NPHP4: variants seen among roughly 807,000 people sequenced by gnomAD.
NPHP4 encodes nephrocystin-4.
NPHP4 carries 151 observed loss-of-function variants against 155.8 expected under a neutral mutation model. The observed-to-expected ratio is 0.97, with a 90% CI of 0.85 to 1.11. NPHP4 has a LOEUF of 1.11. Ranked by LOEUF, NPHP4 falls within the 50% of genes least tolerant of loss-of-function variation. The pLI, the probability that NPHP4 is intolerant of heterozygous loss-of-function variation, is 0.00. For synonymous variants in NPHP4, 845 were observed against 816.8 expected (o/e 1.03, Z -0.59); for missense variants, 1,956 against 1,925.7 (o/e 1.02, Z -0.29).
At chr1:5,968,940 T>A in intron 4 of NPHP4, 147 bp downstream of exon 4, 1 of 520,486 alleles carries the variant, frequency 1.9e-6, no homozygotes, top group South Asian at 3.1e-5. Context: ...GGCACGAGAA[T>A]CGCTCGAACC....
At chr1:5,920,120 T>C (rs548280945) in intron 11 of NPHP4, among the ~76,000 whole-genome samples, 27 of 152,224 alleles carry the variant, frequency 1.8e-4, no homozygotes, top group African/African-American at 5.3e-4. Context: ...TTAGTAGAGA[T>C]AGGGTTTCAC....
intron 11 of NPHP4, among the ~76,000 whole-genome samples, chr1:5,917,168 AG>A (rs1645517792): frequency 6.6e-6 from 1 of 151,822 alleles, no homozygotes; most frequent in Non-Finnish European, 1.5e-5. Context: ...CCATACAGTC[AG>A]GGGTGGCCCC....
chr1:5,963,559 T>C (rs7522246), intron 5 of NPHP4, among the ~76,000 whole-genome samples: 22,944 of 151,892 alleles, frequency 0.15, 1,884 homozygotes, highest in Non-Finnish European at 0.2. Context: ...ACAGGAGAAA[T>C]AGGAAAAGAC....
chr1:5,931,428 C>A (rs1053787845), intron 10 of NPHP4, among the ~76,000 whole-genome samples: 1 of 150,206 alleles, frequency 6.7e-6, no homozygotes. Context: ...AAGTACTGTA[C>A]CTACCTTAAT....
At chr1:5,945,233 C>T (rs1245673659) in intron 9 of NPHP4, among the ~76,000 whole-genome samples, 1 of 151,898 alleles carries the variant, frequency 6.6e-6, no homozygotes, top group Non-Finnish European at 1.5e-5. Flanking sequence ...CTGGGAACCA[C>T]ACATCAGCCA....
intron 16 of NPHP4, among the ~76,000 whole-genome samples, chr1:5,894,544 T>C (rs1236317299): frequency 6.6e-6 from 1 of 151,652 alleles, no homozygotes; most frequent in African/African-American, 2.4e-5. Flanking sequence ...TCAAAAAAGA[T>C]TTTCTGGAAA....
intron 3 of NPHP4, among the ~76,000 whole-genome samples, chr1:5,971,377 G>T (rs1051260452): frequency 6.6e-6 from 1 of 152,210 alleles, no homozygotes; most frequent in Non-Finnish European, 1.5e-5. Flanking sequence ...TGTTTGAAAA[G>T]TTCAGATGGT....
chr1:5,879,063 T>C (rs1374567100), intron 19 of NPHP4, among the ~76,000 whole-genome samples: 1 of 152,220 alleles, frequency 6.6e-6, no homozygotes, highest in Admixed American at 6.5e-5. Context: ...GAGCCCCTCA[T>C]GTCTGCTCCC....
rs566668792 is a variant in NPHP4, at chr1:5,895,687, A to G, written c.2144-4659T>C. On this transcript the variant is annotated intron_variant, in intron 16 of 29. Transcript: ENST00000378156. ...AGAGGGTGTGGGGCAGTGTCTGTCA[A>G]CACCACTGAAGCCTGTGATTCCATT... Among the ~76,000 whole-genome samples the G allele has an allele frequency of 5.9e-5, 9 of 152,338 alleles. No homozygotes were observed. In the East Asian group the frequency reaches 1.5e-3, roughly 26 times the overall value.
rs1247288672 is a variant in NPHP4 at position 5,889,410 on chromosome 1, G to A, written c.2304+1458C>T. Among the ~76,000 whole-genome samples, 1 of 152,224 alleles carries A rather than the reference G, an allele frequency of 6.6e-6. No individual in the cohort carries two copies. The highest frequency in any genetic ancestry group is 1.5e-5 in the Non-Finnish European group (1 of 68,046). ...CAAGATTTTATTTTAGAAAAGTGAA[G>A]CTTTAAATTTAATTTATTCAAGTCT... On this transcript the variant is annotated intron_variant, in intron 17 of 29. Coordinates refer to ENST00000378156, the MANE Select transcript of NPHP4 (RefSeq NM_015102.5). This position sits in a 1 kb window ranked among gnomAD's most constrained non-coding sequence, Gnocchi z 4.2.
chr1:5,874,387 G>C (rs1642330644), intron 22 of NPHP4, 84 bp downstream of exon 22: 6 of 1,285,714 alleles, frequency 4.7e-6, no homozygotes, highest in Admixed American at 2.7e-5. Flanking sequence ...GGTAAGGGAG[G>C]GACACTGGTG....
chr1:5,944,658 C>T lies in NPHP4; in HGVS notation c.1119+2446G>A, dbSNP rs1646992815. ...GGAATCCAGTATTCCCAGTTACAAT[C>T]GACCAGCACATCGGAAAGTACCAAT... On this transcript the variant is annotated intron_variant, in intron 9 of 29. Coordinates refer to ENST00000378156, the MANE Select transcript of NPHP4 (RefSeq NM_015102.5). The surrounding 1 kb of genome is among the most constrained non-coding windows in gnomAD (Gnocchi z 4.3). 6.6e-6 allele frequency among the ~76,000 whole-genome samples: 1 copy of T among 152,198 alleles called. No individual in the cohort carries two copies. Among genetic ancestry groups the T allele is most frequent in the Non-Finnish European group, 1.5e-5 (1 of 68,034 alleles).
At chr1:5,902,610 CT>C (rs1644734472) in intron 16 of NPHP4, among the ~76,000 whole-genome samples, 1 of 152,102 alleles carries the variant, frequency 6.6e-6, no homozygotes, top group African/African-American at 2.4e-5. Flanking sequence ...TTTTTTCCTT[CT>C]ACTTTTACTG....
intron 18 of NPHP4, among the ~76,000 whole-genome samples, chr1:5,884,245 G>A (rs1451817753): frequency 1.3e-5 from 2 of 152,104 alleles, no homozygotes; most frequent in Admixed American, 6.6e-5. Flanking sequence ...CCTGCAGCTG[G>A]ACCAAAGCCC....
chr1:5,952,454 G>A (rs1234547002), intron 7 of NPHP4, among the ~76,000 whole-genome samples: 1 of 152,126 alleles, frequency 6.6e-6, no homozygotes, highest in Non-Finnish European at 1.5e-5. Context: ...GGAGGAAAGG[G>A]GTCCCTAAAG....
In NPHP4 at chr1:5,893,489, G is replaced by A. The variant is rs544785135; in HGVS notation, c.2144-2461C>T. On this transcript the variant is annotated intron_variant, in intron 16 of 29. Coordinates refer to ENST00000378156, the MANE Select transcript of NPHP4 (RefSeq NM_015102.5). ...GAGAGAGGAGACAAAGAGAAAGACA[G>A]CTTACACCATTATTTCTGCATATCA... 2.5e-3 allele frequency among the ~76,000 whole-genome samples: 386 copies of A among 152,304 alleles called. 2 individuals carry two copies. The highest frequency in any genetic ancestry group is 3.5e-3 in the Non-Finnish European group (240 of 68,022).
chr1:5,948,327 G>A (rs902331653), intron 7 of NPHP4, 76 bp from the exon 8 acceptor site: 17 of 1,136,036 alleles, frequency 1.5e-5, no homozygotes, highest in Middle Eastern at 2.4e-4. Flanking sequence ...TGGGGGAGGC[G>A]AGCAGAGAGA....
chr1:5,926,438 G>A (rs1042785157), intron 11 of NPHP4, among the ~76,000 whole-genome samples: 1 of 152,174 alleles, frequency 6.6e-6, no homozygotes, highest in Non-Finnish European at 1.5e-5. Flanking sequence ...CTGCATCCAT[G>A]AATTCAACCA....
At chr1:5,922,050 A>G (rs1645766803) in intron 11 of NPHP4, among the ~76,000 whole-genome samples, 1 of 152,376 alleles carries the variant, frequency 6.6e-6, no homozygotes, top group African/African-American at 2.4e-5. Flanking sequence ...GGTGGGCCCA[A>G]TGTACTCACA....
Sources: gnomAD v4.1 joint callset for allele counts (sites outside exome capture counted in the v4.1 genomes callset) on GRCh38, gnomAD v4.1.1 for gene constraint, Gnocchi (gnomAD v3.1) non-coding constraint, MANE v1.5 for transcripts, NCBI Gene and HGNC (gene_info 2026-07-23, HGNC 2026-07-21) for gene names.